The following ABCA12 variants were observed in gnomAD, a reference collection of about 807,000 sequenced individuals.
ABCA12 encodes ATP binding cassette subfamily A member 12.
In ABCA12, 156 loss-of-function variants were observed where a neutral mutation model predicts 293.5. That is an observed-to-expected ratio of 0.53 (90% CI 0.47 to 0.61). The LOEUF (loss-of-function observed/expected upper bound fraction) is 0.61, where lower values mean the gene tolerates loss of function less well. Ranked by LOEUF, ABCA12 falls within the 20% of genes least tolerant of loss-of-function variation. ABCA12 has a pLI of 0.00. For missense variants in ABCA12, 2,797 were observed against 3,090.2 expected (o/e 0.91, Z 2.25); for synonymous variants, 1,063 against 1,108.0 (o/e 0.96, Z 0.81).
intron 43 of ABCA12, among the ~76,000 whole-genome samples, chr2:214,954,885 TA>T (rs1698895011): frequency 6.6e-6 from 1 of 152,186 alleles, no homozygotes; most frequent in African/African-American, 2.4e-5. Context: ...CACCATACCA[TA>T]AGAACTTGTT....
At chr2:214,989,710 T>C (rs573489752) in intron 24 of ABCA12, 89 bp from the exon 25 acceptor site, 1 of 1,367,566 alleles carries the variant, frequency 7.3e-7, no homozygotes. Flanking sequence ...ACTTTGGACA[T>C]TTGTATAGAT....
intron 20 of ABCA12, 110 bp downstream of exon 20, chr2:215,004,099 G>T: frequency 1.1e-6 from 1 of 891,130 alleles, no homozygotes; most frequent in Non-Finnish European, 1.8e-6. Context: ...TGAGTAGCTA[G>T]CTACAAACTA....
At chr2:215,120,043 G>A (rs1702772486) in intron 1 of ABCA12, among the ~76,000 whole-genome samples, 1 of 152,130 alleles carries the variant, frequency 6.6e-6, no homozygotes, top group African/African-American at 2.4e-5. Context: ...ATTGGATAAA[G>A]AAAATGTGGT....
intron 11 of ABCA12, chr2:215,025,264 T>C (rs954695184): frequency 1.3e-4 from 21 of 165,524 alleles, no homozygotes; most frequent in African/African-American, 5.1e-4. Context: ...CTCCACTGAT[T>C]AAAAAAAAAT....
chr2:214,954,631 A>G (rs556274294), intron 43 of ABCA12, among the ~76,000 whole-genome samples: 6 of 152,220 alleles, frequency 3.9e-5, no homozygotes, highest in Non-Finnish European at 7.3e-5. Flanking sequence ...TCCTTCTCCC[A>G]GAGTATGCTT....
rs988573169 is a variant in ABCA12 at position 214,970,160 on chromosome 2, A to G, written c.5690+113T>C. 58 of 1,092,974 alleles carry G rather than the reference A, an allele frequency of 5.3e-5. 1 individual carries two copies. The South Asian group carries it at 9.3e-4, about 18-fold the overall frequency. The allele number at this position is 1,092,974 out of a possible 1,614,324, so 67.7% of individuals were successfully genotyped here. ...ATAAGGCTGTTTAAATAAAACTGAG[A>G]ATTTAACCATGTAAAATGTAAACAA... On this transcript the variant is annotated intron_variant, in intron 37 of 52. Transcript: ENST00000272895.
At chr2:215,036,852 A>C in intron 8 of ABCA12, 101 bp downstream of exon 8, 1 of 1,056,588 alleles carries the variant, frequency 9.5e-7, no homozygotes, top group South Asian at 1.3e-5. Context: ...CCACCTAAGA[A>C]TAATATCATC....
At chr2:214,966,790 T>A (rs760672159) in intron 39 of ABCA12, 58 bp downstream of exon 39, 1 of 1,531,734 alleles carries the variant, frequency 6.5e-7, no homozygotes, top group Non-Finnish European at 9.0e-7. Flanking sequence ...AAAGTGCATT[T>A]TTATACAAAG....
intron 20 of ABCA12, among the ~76,000 whole-genome samples, chr2:215,003,555 C>T (rs1235291943): frequency 1.3e-5 from 2 of 152,010 alleles, no homozygotes; most frequent in Non-Finnish European, 2.9e-5. Context: ...TTTCCCTTGT[C>T]CTTAAGGACT....
chr2:215,007,800 T>C lies in ABCA12; in HGVS notation c.2519A>G (p.Gln840Arg), dbSNP rs369699212. Residue 840 changes from glutamine (Q) to arginine (R), a missense_variant, in exon 19 of 53, where the codon CAA becomes CGA. Transcript: ENST00000272895. ...AAGTGGCGACTTATCCATCCACTCT[T>C]GAGATTTTTCTCTTAATTCCGCCAG... ...RQLAELREKS[Q>R]EWMDKSPLFM... 3 of 1,614,010 alleles carry C rather than the reference T, an allele frequency of 1.9e-6. No homozygotes were observed. The highest frequency in any genetic ancestry group is 2.5e-6 in the Non-Finnish European group (3 of 1,179,890).
chr2:214,945,209 G>C, intron 48 of ABCA12, 105 bp from the exon 49 acceptor site: 1 of 916,642 alleles, frequency 1.1e-6, no homozygotes, highest in Non-Finnish European at 1.7e-6. Flanking sequence ...AATACTTTTC[G>C]AGGTCCTGTG....
At chr2:214,970,876 A>T (rs1202168918) in intron 36 of ABCA12, among the ~76,000 whole-genome samples, 3 of 152,086 alleles carry the variant, frequency 2.0e-5, no homozygotes, top group African/African-American at 7.2e-5. Flanking sequence ...CAGCTTAGTT[A>T]TATGTATATT....
At position 215,060,392 on chromosome 2, in the gene ABCA12, T is replaced by C. The variant is rs908697731; in HGVS notation, c.317+3674A>G. Reference sequence around the variant, plus strand: ...TAATTAAGACATTCTTCTACTTTGTTTTTTGATAAATAAAATTTTAACCAT... The same window carrying C: ...TAATTAAGACATTCTTCTACTTTGTCTTTTGATAAATAAAATTTTAACCAT... On this transcript the variant is annotated intron_variant, in intron 3 of 52. Coordinates refer to ENST00000272895, the MANE Select transcript of ABCA12 (RefSeq NM_173076.3). 2.0e-5 allele frequency among the ~76,000 whole-genome samples: 3 copies of C among 152,096 alleles called. No homozygotes were observed. In the East Asian group the frequency reaches 5.8e-4, roughly 29 times the overall value.
rs146560019 is a variant in ABCA12, at chr2:215,052,051, A to T, written c.507+436T>A. On this transcript the variant is annotated intron_variant, in intron 5 of 52. Transcript: ENST00000272895. ...AGAGAAATCGATAAGTAAGCTCTCT[A>T]AAATACGCTAAGAAAAAGGATTTTC... Among the ~76,000 whole-genome samples, 719 of 152,244 alleles carry T rather than the reference A, an allele frequency of 4.7e-3. 5 individuals are homozygous for T. Among genetic ancestry groups the T allele is most frequent in the African/African-American group, 0.016 (674 of 41,554 alleles).
intron 18 of ABCA12, 79 bp downstream of exon 18, chr2:215,010,252 G>T: frequency 6.6e-7 from 1 of 1,522,166 alleles, no homozygotes; most frequent in Non-Finnish European, 9.1e-7. Context: ...AAATCAGTCA[G>T]CTAAAGTAAA....
rs1698617387 is a variant in ABCA12 at position 214,947,437 on chromosome 2, A to C, written c.7224T>G (p.Pro2408=). The part of the protein sequence containing the change: ...LSTALALIGK[P]SILLLDEPSS... ...ATTCTCTTACCAGCAGTAGAATGGA[A>C]GGTTTCCCTATCAAGGCCAGTGCAG... Residue 2408 remains proline, a synonymous_variant, in exon 48 of 53, where the codon CCT becomes CCG. Transcript: ENST00000272895. The C allele has an allele frequency of 6.2e-7, 1 of 1,613,952 alleles. No individual in the cohort carries two copies.
At chr2:214,932,846 G>C in intron 52 of ABCA12, 105 bp from the exon 53 acceptor site, 1 of 777,314 alleles carries the variant, frequency 1.3e-6, no homozygotes, top group South Asian at 1.5e-5. Flanking sequence ...TAGTGCAAGC[G>C]TGTATATATG....
At chr2:215,111,810 C>A (rs1575051544) in intron 1 of ABCA12, 120 bp from the exon 2 acceptor site, 2 of 721,866 alleles carry the variant, frequency 2.8e-6, no homozygotes, top group South Asian at 3.4e-5. Context: ...ATTTGACCAA[C>A]TGTAGATATT....
chr2:214,943,593 G>A (rs975382596), intron 49 of ABCA12, among the ~76,000 whole-genome samples: 2 of 152,040 alleles, frequency 1.3e-5, no homozygotes, highest in African/African-American at 2.4e-5. Flanking sequence ...TGGAATACCC[G>A]CTCCATCAAA....
Sources: gnomAD v4.1 joint callset for allele counts (sites outside exome capture counted in the v4.1 genomes callset) on GRCh38, gnomAD v4.1.1 for gene constraint, MANE v1.5 for transcripts, NCBI Gene and HGNC (gene_info 2026-07-23, HGNC 2026-07-21) for gene names.